The following STARD13 variants were observed in gnomAD, a reference collection of about 807,000 sequenced individuals.
The protein encoded by STARD13 is stAR-related lipid transfer protein 13.
In STARD13, 62 loss-of-function variants were observed where a neutral mutation model predicts 106.4. The ratio of observed to expected loss-of-function variants is 0.58; its 90% confidence interval spans 0.48 to 0.72. The LOEUF (loss-of-function observed/expected upper bound fraction) is 0.72, where lower values mean the gene tolerates loss of function less well. Among genes scored for constraint, STARD13 ranks in the 30% least tolerant of loss-of-function variants. The pLI is 0.00. For missense variants in STARD13, 1,387 were observed against 1,424.0 expected (o/e 0.97, Z 0.42); for synonymous variants, 565 against 553.0 (o/e 1.02, Z -0.31).
At chr13:33,569,842 A>T in the STARD13 span, among the ~76,000 whole-genome samples, 4 of 147,774 alleles carry the variant, frequency 2.7e-5, no homozygotes. Flanking sequence ...AAGGAGAATT[A>T]TGCTTGTTCG....
chr13:33,620,463 AG>A, the STARD13 span, among the ~76,000 whole-genome samples: 1 of 151,910 alleles, frequency 6.6e-6, no homozygotes, highest in Non-Finnish European at 1.5e-5. Flanking sequence ...TTGTATTTTT[AG>A]TAGAGACAGG....
At chr13:33,379,243 C>A in the STARD13 span, among the ~76,000 whole-genome samples, 4 of 152,178 alleles carry the variant, frequency 2.6e-5, no homozygotes, top group African/African-American at 9.7e-5. Context: ...GACAATTAGA[C>A]TAAGATATCC....
chr13:33,601,951 A>C, the STARD13 span, among the ~76,000 whole-genome samples: 1 of 152,220 alleles, frequency 6.6e-6, no homozygotes, highest in African/African-American at 2.4e-5. Flanking sequence ...GGCTTTAAGC[A>C]GTCGTATGGA....
intron 1 of STARD13, chr13:33,350,162 C>A: frequency 8.0e-7 from 1 of 1,255,744 alleles, no homozygotes; most frequent in Non-Finnish European, 1.0e-6. Context: ...GCAGCCCGCT[C>A]GCCCCGGCCT....
intron 1 of STARD13, among the ~76,000 whole-genome samples, chr13:33,255,357 T>G (rs1890306657): frequency 6.6e-6 from 1 of 152,074 alleles, no homozygotes; most frequent in African/African-American, 2.4e-5. Context: ...GGACTTTCAC[T>G]ATTATTATCA....
chr13:33,499,585 CTTCTTCTTCTTCTTCTTCT>C, the STARD13 span, among the ~76,000 whole-genome samples: 17 of 68,350 alleles, frequency 2.5e-4, no homozygotes, highest in Admixed American at 6.6e-4. Context: ...TCTTCTTCTT[CTTCTTCTTCTTCTTCTTCT>C]TTCTTCTTCT....
the STARD13 span, among the ~76,000 whole-genome samples, chr13:33,621,548 T>G: frequency 2.6e-5 from 4 of 151,162 alleles, no homozygotes; most frequent in Admixed American, 2.6e-4. Flanking sequence ...GGTGTGGTGG[T>G]GGGTGCCTGT....
chr13:33,495,995 T>A, the STARD13 span, among the ~76,000 whole-genome samples: 1 of 141,974 alleles, frequency 7.0e-6, no homozygotes, highest in Admixed American at 7.1e-5. Flanking sequence ...ATAGTGAATA[T>A]AAATTATTAT....
At chr13:33,666,575 G>A in the STARD13 span, among the ~76,000 whole-genome samples, 5 of 152,002 alleles carry the variant, frequency 3.3e-5, no homozygotes, top group African/African-American at 1.2e-4. Context: ...GATCACAGGC[G>A]TGAGCCACTG....
intron 1 of STARD13, among the ~76,000 whole-genome samples, chr13:33,208,660 G>A (rs1887548249): frequency 2.0e-5 from 3 of 152,076 alleles, no homozygotes. Context: ...TAGGCAGATG[G>A]CTCCACTCAG....
chr13:33,245,315 CAAG>C (rs753345936), intron 1 of STARD13, among the ~76,000 whole-genome samples: 2 of 152,158 alleles, frequency 1.3e-5, no homozygotes, highest in African/African-American at 4.8e-5. Flanking sequence ...AGAAAAAAGA[CAAG>C]AAGAAGACAG....
At chr13:33,436,671 C>T in the STARD13 span, among the ~76,000 whole-genome samples, 3 of 152,166 alleles carry the variant, frequency 2.0e-5, no homozygotes, top group African/African-American at 7.2e-5. Context: ...CATCACTAGG[C>T]TGAGATCTTT....
the STARD13 span, among the ~76,000 whole-genome samples, chr13:33,396,518 A>G: frequency 6.6e-6 from 1 of 152,206 alleles, no homozygotes; most frequent in Non-Finnish European, 1.5e-5. Context: ...TCAGTCTGTT[A>G]CACAAAAGCA....
chr13:33,432,091 G>C, the STARD13 span, among the ~76,000 whole-genome samples: 1 of 152,092 alleles, frequency 6.6e-6, no homozygotes, highest in Non-Finnish European at 1.5e-5. Flanking sequence ...AGGAAAAATA[G>C]GGGTGATTAA....
the STARD13 span, among the ~76,000 whole-genome samples, chr13:33,551,326 G>C: frequency 8.5e-5 from 13 of 152,194 alleles, no homozygotes; most frequent in African/African-American, 3.1e-4. Flanking sequence ...CATTTTGACT[G>C]TGATCCATCA....
chr13:33,434,403 G>A, the STARD13 span, among the ~76,000 whole-genome samples: 5 of 146,094 alleles, frequency 3.4e-5, no homozygotes, highest in African/African-American at 1.0e-4. Context: ...CAAACAGAAC[G>A]AGATTTAAGT....
chr13:33,606,513 A>G, the STARD13 span, among the ~76,000 whole-genome samples: 1 of 152,058 alleles, frequency 6.6e-6, no homozygotes, highest in Non-Finnish European at 1.5e-5. Flanking sequence ...TATTAATCTA[A>G]CTTCTTGGGT....
At chr13:33,325,265 T>C (rs2077761166) in intron 1 of STARD13, among the ~76,000 whole-genome samples, 1 of 152,158 alleles carries the variant, frequency 6.6e-6, no homozygotes, top group African/African-American at 2.4e-5. Context: ...CTAGCCTTCA[T>C]CAAATCCTAA....
chr13:33,234,865 C>T (rs1055719505), intron 1 of STARD13, among the ~76,000 whole-genome samples: 1 of 152,190 alleles, frequency 6.6e-6, no homozygotes, highest in African/African-American at 2.4e-5. Flanking sequence ...ATCTTTATTC[C>T]TTCTCTGATT....
Sources: gnomAD v4.1 joint callset for allele counts (sites outside exome capture counted in the v4.1 genomes callset) on GRCh38, gnomAD v4.1.1 for gene constraint, MANE v1.5 for transcripts, NCBI Gene and HGNC (gene_info 2026-07-23, HGNC 2026-07-21) for gene names.